Variants in SLCO3A1 observed in about 807,000 individuals in gnomAD.
The protein encoded by SLCO3A1 is solute carrier organic anion transporter family member 3A1.
A neutral mutation model predicts 63.1 loss-of-function variants in SLCO3A1; 27 were observed. That is an observed-to-expected ratio of 0.43 (90% CI 0.32 to 0.59). The LOEUF is 0.59. Ranked by LOEUF, SLCO3A1 falls within the 20% of genes least tolerant of loss-of-function variation. The probability of loss-of-function intolerance (pLI) is 0.09; values close to 1 mark genes in which losing one functional copy is unlikely to be tolerated. For missense variants in SLCO3A1, 773 were observed against 945.8 expected (o/e 0.82, Z 2.40); for synonymous variants, 473 against 409.9 (o/e 1.15, Z -1.86).
At chr15:92,155,733 C>A (rs2048362749) in intron 9 of SLCO3A1, among the ~76,000 whole-genome samples, 1 of 152,094 alleles carries the variant, frequency 6.6e-6, no homozygotes, top group South Asian at 2.1e-4. Context: ...TGAGATCCCC[C>A]CAACCCAACC....
At chr15:92,039,926 A>G (rs1158599114) in intron 2 of SLCO3A1, among the ~76,000 whole-genome samples, 1 of 152,198 alleles carries the variant, frequency 6.6e-6, no homozygotes, top group Non-Finnish European at 1.5e-5. Flanking sequence ...GACATGGATG[A>G]AGCTGGAAGC....
At chr15:91,928,589 A>C (rs1442150218) in intron 2 of SLCO3A1, among the ~76,000 whole-genome samples, 1 of 152,184 alleles carries the variant, frequency 6.6e-6, no homozygotes, top group Non-Finnish European at 1.5e-5. Context: ...ACTCAACCCA[A>C]CTACCTAAAT....
chr15:91,874,210 GTCTC>G (rs1324985328), intron 1 of SLCO3A1, among the ~76,000 whole-genome samples: 1 of 152,118 alleles, frequency 6.6e-6, no homozygotes, highest in African/African-American at 2.4e-5. Context: ...TGTGAATGTG[GTCTC>G]TCTCAATACA....
intron 1 of SLCO3A1, among the ~76,000 whole-genome samples, chr15:91,866,336 G>A (rs906923651): frequency 4.6e-5 from 7 of 152,140 alleles, no homozygotes; most frequent in Non-Finnish European, 8.8e-5. Context: ...TCCTTAGCAG[G>A]AATCAGGGCT....
chr15:92,026,560 TA>T (rs1290376278), intron 2 of SLCO3A1, among the ~76,000 whole-genome samples: 1 of 152,210 alleles, frequency 6.6e-6, no homozygotes, highest in Admixed American at 6.5e-5. Context: ...AAAAATAGTC[TA>T]GGGGTCCCTA....
At chr15:92,082,007 T>C (rs1368339715) in intron 2 of SLCO3A1, among the ~76,000 whole-genome samples, 7 of 152,206 alleles carry the variant, frequency 4.6e-5, no homozygotes, top group Non-Finnish European at 1.0e-4. Context: ...TTGGTAACAT[T>C]AGTGTTTGGT....
At chr15:92,090,416 G>T (rs1293861922) in intron 2 of SLCO3A1, among the ~76,000 whole-genome samples, 2 of 152,174 alleles carry the variant, frequency 1.3e-5, no homozygotes, top group African/African-American at 4.8e-5. Context: ...TTCACTGAAG[G>T]CCTGTGTACA....
chr15:91,893,238 T>C lies in SLCO3A1; in HGVS notation c.181-22755T>C, dbSNP rs189499518. On this transcript the variant is annotated intron_variant, in intron 1 of 9. Transcript: ENST00000318445. ...TTTAATTAATTTAAACTTAGCCACATGTGGCCAGTGGCTGTCCTGTTGGAC... is the reference window on the plus strand; with the variant it reads ...TTTAATTAATTTAAACTTAGCCACACGTGGCCAGTGGCTGTCCTGTTGGAC... Among the ~76,000 whole-genome samples, 20 of 152,324 alleles carry C rather than the reference T, an allele frequency of 1.3e-4. No homozygotes were observed. The East Asian group carries it at 3.7e-3, about 28-fold the overall frequency.
intron 2 of SLCO3A1, among the ~76,000 whole-genome samples, chr15:92,085,867 A>G (rs1358908433): frequency 1.3e-5 from 2 of 152,184 alleles, no homozygotes; most frequent in Non-Finnish European, 2.9e-5. Context: ...GTCATTAAAG[A>G]GTTAACTTTG....
At chr15:92,090,330 C>T (rs1382607933) in intron 2 of SLCO3A1, among the ~76,000 whole-genome samples, 1 of 152,210 alleles carries the variant, frequency 6.6e-6, no homozygotes, top group Non-Finnish European at 1.5e-5. Context: ...TCAAGATATT[C>T]TGCCTTACCC....
intron 2 of SLCO3A1, among the ~76,000 whole-genome samples, chr15:91,923,574 G>A (rs762753565): frequency 1.3e-5 from 2 of 152,146 alleles, no homozygotes; most frequent in African/African-American, 2.4e-5. Flanking sequence ...GGCTTTCTGG[G>A]TTCTAGCATG....
At chr15:92,056,188 AG>A in intron 2 of SLCO3A1, among the ~76,000 whole-genome samples, 1 of 152,124 alleles carries the variant, frequency 6.6e-6, no homozygotes, top group Non-Finnish European at 1.5e-5. Flanking sequence ...CTTTATTTCC[AG>A]GTTCCGGTTC....
At position 92,171,866 on chromosome 15, in the gene SLCO3A1, C is replaced by A. The variant is rs1317841935; in HGVS notation, c.*4C>A. ...AGACTCCTTTGTGAGAAGCTGAGGGCCTGGCCCTCTTCCTCTTCCTGGAGA... is the reference window on the plus strand; with the variant it reads ...AGACTCCTTTGTGAGAAGCTGAGGGACTGGCCCTCTTCCTCTTCCTGGAGA... On this transcript the variant is annotated 3_prime_UTR_variant, in exon 11 of 11. Transcript: ENST00000424469. The A allele has an allele frequency of 2.6e-6, 4 of 1,549,410 alleles. No homozygotes were observed. The African/African-American group carries it at 5.5e-5, about 21-fold the overall frequency.
chr15:92,162,680 A>G, intron 9 of SLCO3A1, 76 bp from the exon 10 acceptor site: 3 of 1,523,012 alleles, frequency 2.0e-6, no homozygotes, highest in Non-Finnish European at 2.6e-6. Flanking sequence ...TGCTATAAGA[A>G]AAGCTAGGCA....
In SLCO3A1 at chr15:92,104,548, G is replaced by A. The variant is rs766418012; in HGVS notation, c.1009+6G>A. ...CTGTTTCCAGCAGCTGAGAGGTAAAGGTGGCCTCATCTGCCTCTGCTCAGA... is the reference window on the plus strand; with the variant it reads ...CTGTTTCCAGCAGCTGAGAGGTAAAAGTGGCCTCATCTGCCTCTGCTCAGA... On this transcript the variant is annotated splice_donor_region_variant and intron_variant, in intron 4 of 9. Coordinates refer to ENST00000318445, the MANE Select transcript of SLCO3A1 (RefSeq NM_013272.4). 6.2e-7 allele frequency: 1 copy of A among 1,611,572 alleles called. No homozygotes were observed. The highest frequency in any genetic ancestry group is 1.1e-5 in the South Asian group (1 of 91,014).
chr15:91,857,183 G>A (rs1407356964), intron 1 of SLCO3A1, among the ~76,000 whole-genome samples: 1 of 151,826 alleles, frequency 6.6e-6, no homozygotes, highest in Non-Finnish European at 1.5e-5. Flanking sequence ...AAACTGTATT[G>A]TATATAAGGC....
chr15:91,994,919 C>T (rs990152450), intron 2 of SLCO3A1, among the ~76,000 whole-genome samples: 6 of 152,148 alleles, frequency 3.9e-5, no homozygotes, highest in African/African-American at 9.7e-5. Context: ...TGCCTGGCAT[C>T]GCAGCACAGG....
intron 7 of SLCO3A1, among the ~76,000 whole-genome samples, chr15:92,137,101 C>T (rs1291659149): frequency 6.8e-6 from 1 of 146,498 alleles, no homozygotes; most frequent in Admixed American, 6.9e-5. Context: ...TTAGGTATAT[C>T]TCCCAATGCT....
At chr15:92,098,041 G>T (rs2047561052) in intron 3 of SLCO3A1, 1 of 152,318 alleles carries the variant, frequency 6.6e-6, no homozygotes, top group Non-Finnish European at 1.5e-5. Context: ...ACATGTTTCT[G>T]AAGTCCCCAC....
Sources: gnomAD v4.1 joint callset for allele counts (sites outside exome capture counted in the v4.1 genomes callset) on GRCh38, gnomAD v4.1.1 for gene constraint, MANE v1.5 for transcripts, NCBI Gene and HGNC (gene_info 2026-07-23, HGNC 2026-07-21) for gene names.